BSPH1: variants seen among roughly 807,000 people sequenced by gnomAD.
BSPH1 encodes the protein binder of sperm 1.
Under a neutral mutation model 22.5 loss-of-function variants are expected in BSPH1, and 21 were observed. The observed-to-expected ratio is 0.93, with a 90% CI of 0.66 to 1.35. The LOEUF is 1.35. Among genes scored for constraint, BSPH1 ranks in the 40% most tolerant of loss-of-function variants. The probability of loss-of-function intolerance (pLI) is 0.00; values close to 1 mark genes in which losing one functional copy is unlikely to be tolerated. For missense variants in BSPH1, 141 were observed against 154.2 expected (o/e 0.91, Z 0.45); for synonymous variants, 42 against 53.6 (o/e 0.78, Z 0.95).
chr19:47,989,303 G>A (rs530143046), intron 1 of BSPH1, among the ~76,000 whole-genome samples: 1 of 151,832 alleles, frequency 6.6e-6, no homozygotes, highest in East Asian at 1.9e-4. Flanking sequence ...CTGCCACCAT[G>A]CCCGGCTAAT....
At chr19:47,985,345 T>A (rs1177762600) in intron 1 of BSPH1, among the ~76,000 whole-genome samples, 1 of 152,106 alleles carries the variant, frequency 6.6e-6, no homozygotes, top group Non-Finnish European at 1.5e-5. Flanking sequence ...GAATGAAGCA[T>A]TTACAGTGTT....
rs142408992 is a variant in BSPH1, at chr19:47,976,885, A to G, written c.257-31T>C. ...GAGGAGGAAGAGGAAGAAGCAGAGT[A>G]AGAAACCTTTCTAATTTGCACCCAC... On this transcript the variant is annotated intron_variant, in intron 4 of 5. Coordinates refer to ENST00000344839, the MANE Select transcript of BSPH1 (RefSeq NM_001128326.2). 2.2e-4 allele frequency: 347 copies of G among 1,548,398 alleles called. No individual in the cohort carries two copies. The African/African-American group carries it at 3.6e-3, about 16-fold the overall frequency.
chr19:47,987,056 G>C (rs993011750), intron 1 of BSPH1, among the ~76,000 whole-genome samples: 8 of 152,176 alleles, frequency 5.3e-5, no homozygotes, highest in Non-Finnish European at 1.0e-4. Context: ...ACCAGTCATT[G>C]GATTAGGGCC....
intron 5 of BSPH1, among the ~76,000 whole-genome samples, chr19:47,973,732 C>T: frequency 6.6e-6 from 1 of 152,158 alleles, no homozygotes; most frequent in Non-Finnish European, 1.5e-5. Context: ...GCGGGGAGGG[C>T]GCCATCTTGT....
At chr19:47,981,242 C>CAGA in intron 1 of BSPH1, among the ~76,000 whole-genome samples, 1 of 129,686 alleles carries the variant, frequency 7.7e-6, no homozygotes. Flanking sequence ...TAAACCACTT[C>CAGA]ATCATAGGTT....
At position 47,992,041 on chromosome 19, in the gene BSPH1, T is replaced by A; in HGVS notation, c.41A>T (p.Asn14Ile). The A allele has an allele frequency of 6.4e-7, 1 of 1,551,034 alleles. No individual in the cohort carries two copies. Among genetic ancestry groups the A allele is most frequent in the Non-Finnish European group, 8.7e-7 (1 of 1,146,422 alleles). Reference protein sequence around the residue: ...LMLLFVETTRNSSACIFPVIL... With the variant: ...LMLLFVETTRISSACIFPVIL... ...AACAGGGAAGATGCAAGCTGAGGAA[T>A]TTCGCGTCGTTTCCACGAAGAGAAG... Residue 14 changes from asparagine (N) to isoleucine (I), a missense_variant, in exon 1 of 6, where the codon AAT becomes ATT. Asn to Ile is a moderately radical substitution (Grantham distance 149, BLOSUM62 -3). Transcript: ENST00000344839.
At chr19:47,979,475 GA>G in intron 3 of BSPH1, 94 bp downstream of exon 3, 1 of 649,338 alleles carries the variant, frequency 1.5e-6, no homozygotes, top group Non-Finnish European at 2.6e-6. Flanking sequence ...GAGAAAAAAT[GA>G]TTTTTTTTAC....
At chr19:47,991,449 TCTCCTC>T (rs952286777) in intron 1 of BSPH1, among the ~76,000 whole-genome samples, 1 of 148,012 alleles carries the variant, frequency 6.8e-6, no homozygotes, top group Non-Finnish European at 1.5e-5. Flanking sequence ...CTCCTTCTCC[TCTCCTC>T]CTCCTCCTTC....
intron 1 of BSPH1, among the ~76,000 whole-genome samples, chr19:47,991,637 T>A: frequency 1.9e-5 from 1 of 52,008 alleles, no homozygotes. Flanking sequence ...CTCCTCCTCC[T>A]CCTTCCCCTC....
chr19:47,980,670 C>T (rs1969411551), intron 2 of BSPH1, among the ~76,000 whole-genome samples: 1 of 151,938 alleles, frequency 6.6e-6, no homozygotes, highest in South Asian at 2.1e-4. Context: ...CGGGGTTTCA[C>T]CTTGTTAGCC....
intron 5 of BSPH1, among the ~76,000 whole-genome samples, chr19:47,970,632 A>G (rs1319197544): frequency 6.6e-6 from 1 of 152,208 alleles, no homozygotes; most frequent in Non-Finnish European, 1.5e-5. Flanking sequence ...CATGAATAAT[A>G]GTGATGAACA....
chr19:47,981,795 A>G, intron 1 of BSPH1: 3 of 938,258 alleles, frequency 3.2e-6, no homozygotes, highest in Non-Finnish European at 3.8e-6. Context: ...TTAAAGCAGC[A>G]TTTTTCAACC....
At chr19:47,991,436 C>T (rs1966873009) in intron 1 of BSPH1, among the ~76,000 whole-genome samples, 1 of 150,374 alleles carries the variant, frequency 6.7e-6, no homozygotes, top group Non-Finnish European at 1.5e-5. Flanking sequence ...CTTTTTCTCC[C>T]TTCTCCTTCT....
chr19:47,992,137 C>T lies in BSPH1; in HGVS notation c.-56G>A, dbSNP rs1467349278. ...TCTTCCTGGTCTTTGTCAGCCAGGGCTCAAGAATCCCCTGGAGAGGCCCAG... is the reference window on the plus strand; with the variant it reads ...TCTTCCTGGTCTTTGTCAGCCAGGGTTCAAGAATCCCCTGGAGAGGCCCAG... On this transcript the variant is annotated 5_prime_UTR_variant, in exon 1 of 6. Transcript: ENST00000344839. 1.4e-6 allele frequency: 2 copies of T among 1,409,718 alleles called. No homozygotes were observed. Among genetic ancestry groups the T allele is most frequent in the African/African-American group, 1.4e-5 (1 of 70,108 alleles). The allele number at this position is 1,409,718 out of a possible 1,614,324, so 87.3% of individuals were successfully genotyped here. A position where few individuals can be genotyped will look rare whatever the true frequency, so the allele number is the denominator to read the frequency against.
chr19:47,970,563 C>G (rs559036196), intron 5 of BSPH1, among the ~76,000 whole-genome samples: 1 of 152,236 alleles, frequency 6.6e-6, no homozygotes, highest in East Asian at 1.9e-4. Context: ...AATGCTGTGT[C>G]CCGATGAGAT....
intron 1 of BSPH1, among the ~76,000 whole-genome samples, chr19:47,984,789 A>G (rs1403316965): frequency 6.6e-6 from 1 of 152,092 alleles, no homozygotes; most frequent in African/African-American, 2.4e-5. Context: ...GAAACCAACT[A>G]TTGATGGCCG....
rs374024166 is a variant in BSPH1 at position 47,976,111 on chromosome 19, T to C, written c.*2+599A>G. 1.1e-3 allele frequency among the ~76,000 whole-genome samples: 161 copies of C among 152,324 alleles called. 4 individuals are homozygous for C. The South Asian group carries it at 0.031, about 29-fold the overall frequency. On this transcript the variant is annotated intron_variant, in intron 5 of 5. Coordinates refer to ENST00000344839, the MANE Select transcript of BSPH1 (RefSeq NM_001128326.2). ...ATTTGTTGCAATTGATGAATCTACA[T>C]TGACACATCACTATCACCCAAAATC...
intron 5 of BSPH1, among the ~76,000 whole-genome samples, chr19:47,971,129 C>A (rs568353831): frequency 1.3e-5 from 2 of 152,194 alleles, no homozygotes; most frequent in East Asian, 1.9e-4. Flanking sequence ...TCACTGGGAC[C>A]GTCCCTGCTT....
At chr19:47,988,290 T>C (rs1969489760) in intron 1 of BSPH1, among the ~76,000 whole-genome samples, 1 of 152,228 alleles carries the variant, frequency 6.6e-6, no homozygotes, top group South Asian at 2.1e-4. Context: ...AATGACTTAA[T>C]GATAACAGTT....
Sources: gnomAD v4.1 joint callset for allele counts (sites outside exome capture counted in the v4.1 genomes callset) on GRCh38, gnomAD v4.1.1 for gene constraint, MANE v1.5 for transcripts, NCBI Gene and HGNC (gene_info 2026-07-23, HGNC 2026-07-21) for gene names.